Variants in NEK7 observed in about 807,000 individuals in gnomAD.
NEK7 encodes the protein serine/threonine-protein kinase Nek7.
In NEK7, 18 loss-of-function variants were observed where a neutral mutation model predicts 44.6. The ratio of observed to expected loss-of-function variants is 0.40; its 90% confidence interval spans 0.28 to 0.60. The LOEUF (loss-of-function observed/expected upper bound fraction) is 0.60. Ranked by LOEUF, NEK7 falls within the 20% of genes least tolerant of loss-of-function variation. The probability of loss-of-function intolerance (pLI) is 0.38; values close to 1 mark genes in which losing one functional copy is unlikely to be tolerated. For missense variants in NEK7, 256 were observed against 366.5 expected (o/e 0.70, Z 2.46); for synonymous variants, 130 against 121.1 (o/e 1.07, Z -0.48).
intron 1 of NEK7, among the ~76,000 whole-genome samples, chr1:198,231,322 T>C (rs1295305799): frequency 7.0e-6 from 1 of 143,164 alleles, no homozygotes; most frequent in Non-Finnish European, 1.5e-5. Flanking sequence ...TATATATATA[T>C]ATATATATAT....
At chr1:198,286,837 C>T (rs1020138925) in intron 7 of NEK7, among the ~76,000 whole-genome samples, 1 of 152,158 alleles carries the variant, frequency 6.6e-6, no homozygotes, top group Non-Finnish European at 1.5e-5. Context: ...CTTCTAGAGG[C>T]TGCCCTCATT....
chr1:198,257,677 A>T (rs1031252486), intron 3 of NEK7, among the ~76,000 whole-genome samples: 13 of 152,216 alleles, frequency 8.5e-5, no homozygotes, highest in Non-Finnish European at 1.5e-4. Context: ...CATTTAAAAG[A>T]TACAGAACAA....
intron 2 of NEK7, among the ~76,000 whole-genome samples, chr1:198,239,966 T>C (rs984153087): frequency 6.6e-6 from 1 of 152,236 alleles, no homozygotes; most frequent in Non-Finnish European, 1.5e-5. Flanking sequence ...TGTAACACAA[T>C]GATAAGTATT....
At chr1:198,291,079 T>A (rs953516984) in intron 7 of NEK7, among the ~76,000 whole-genome samples, 5 of 152,168 alleles carry the variant, frequency 3.3e-5, no homozygotes, top group African/African-American at 1.2e-4. Context: ...TTGTTCTTCT[T>A]TTTCCTTATC....
chr1:198,162,298 A>ACAATCAGAAT (rs746859369), intron 1 of NEK7, among the ~76,000 whole-genome samples: 4 of 152,118 alleles, frequency 2.6e-5, no homozygotes, highest in Non-Finnish European at 4.4e-5. Context: ...AGGACCTGGG[A>ACAATCAGAAT]CAATCAGAAT....
chr1:198,179,489 G>A (rs1216386866), intron 1 of NEK7, among the ~76,000 whole-genome samples: 3 of 152,042 alleles, frequency 2.0e-5, no homozygotes. Flanking sequence ...TTCTTGAACA[G>A]TAAGGTGGTA....
chr1:198,248,472 C>A (rs917537508), intron 2 of NEK7, among the ~76,000 whole-genome samples: 7 of 152,180 alleles, frequency 4.6e-5, no homozygotes, highest in Admixed American at 2.0e-4. Flanking sequence ...TCTCTCATAG[C>A]ACAGTGAAGA....
At chr1:198,204,958 A>G (rs758351710) in intron 1 of NEK7, among the ~76,000 whole-genome samples, 3 of 152,128 alleles carry the variant, frequency 2.0e-5, no homozygotes, top group African/African-American at 7.2e-5. Context: ...TTAAAATGTA[A>G]CATATAATAA....
Position 198,157,021 on chromosome 1 carries a change from A to C in NEK7, c.-284A>C, listed in dbSNP as rs1183268377. On this transcript the variant is annotated 5_prime_UTR_variant, in exon 1 of 10. Transcript: ENST00000367385. ...TTACACTCCTGACAGCGGCGGCAGC[A>C]GGAGGAGGATCGGGAGTCGCGGGAG... 1 of 152,058 alleles carries C rather than the reference A, an allele frequency of 6.6e-6. No individual in the cohort carries two copies. Among genetic ancestry groups the C allele is most frequent in the Admixed American group, 6.5e-5 (1 of 15,274 alleles). The allele number at this position is 152,058 out of a possible 1,614,324, so 9.4% of individuals were successfully genotyped here. A position where few individuals can be genotyped will look rare whatever the true frequency, so the allele number is the denominator to read the frequency against.
chr1:198,203,652 A>G (rs1343693936), intron 1 of NEK7, among the ~76,000 whole-genome samples: 2 of 152,248 alleles, frequency 1.3e-5, no homozygotes, highest in Non-Finnish European at 2.9e-5. Context: ...GAGAAGTAAC[A>G]TCATGTGTTT....
At chr1:198,246,039 G>A (rs187011001) in intron 2 of NEK7, among the ~76,000 whole-genome samples, 17 of 152,110 alleles carry the variant, frequency 1.1e-4, no homozygotes, top group African/African-American at 1.9e-4. Flanking sequence ...GTGGGAACCC[G>A]TTTGATGATA....
intron 1 of NEK7, among the ~76,000 whole-genome samples, chr1:198,207,798 T>A (rs1158927137): frequency 6.6e-6 from 1 of 152,184 alleles, no homozygotes; most frequent in Non-Finnish European, 1.5e-5. Context: ...AATTGTACAT[T>A]AAAATGGCAA....
In NEK7 at chr1:198,293,020, T is replaced by C; in HGVS notation, c.665T>C (p.Leu222Pro). The C allele has an allele frequency of 6.4e-7, 1 of 1,571,886 alleles. No homozygotes were observed. Among genetic ancestry groups the C allele is most frequent in the South Asian group, 1.1e-5 (1 of 90,150 alleles). The change falls in exon 8 of 10, where the codon CTT becomes CCT. Residue 222 changes from leucine (L) to proline (P), a missense_variant. Physicochemically the swap from Leu to Pro is moderately conservative, Grantham distance 98. Transcript: ENST00000367385. ...AACTTCAAATCTGACATCTGGTCTCTTGGCTGTCTACTATATGAGGTAGGT... is the reference window on the plus strand; with the variant it reads ...AACTTCAAATCTGACATCTGGTCTCCTGGCTGTCTACTATATGAGGTAGGT... ...GYNFKSDIWS[L>P]GCLLYEMAAL...
chr1:198,283,868 C>G (rs1252661239), intron 7 of NEK7, among the ~76,000 whole-genome samples: 14 of 152,086 alleles, frequency 9.2e-5, no homozygotes, highest in Admixed American at 9.2e-4. Flanking sequence ...TTTCACAACT[C>G]GTTAATGGGT....
At chr1:198,190,001 C>T (rs1304898344) in intron 1 of NEK7, among the ~76,000 whole-genome samples, 1 of 152,066 alleles carries the variant, frequency 6.6e-6, no homozygotes, top group African/African-American at 2.4e-5. Context: ...GTTAAGAATG[C>T]AACATCTTGA....
intron 1 of NEK7, among the ~76,000 whole-genome samples, chr1:198,212,015 GGGA>G (rs1665788474): frequency 6.6e-6 from 1 of 152,198 alleles, no homozygotes; most frequent in African/African-American, 2.4e-5. Flanking sequence ...ACTGAGCAAT[GGGA>G]AGTCTATGAG....
rs188018599 is a variant in NEK7, at chr1:198,301,406, C to T, written c.798+4166C>T. 1.8e-3 allele frequency among the ~76,000 whole-genome samples: 278 copies of T among 152,180 alleles called. 5 individuals are homozygous for T. The East Asian group carries it at 0.04, about 22-fold the overall frequency. ...TCTACTAAAAATGCAACAAATTAGCCGGGCGTGGTGGCGGGCGCCTGTAGT... is the reference window on the plus strand; with the variant it reads ...TCTACTAAAAATGCAACAAATTAGCTGGGCGTGGTGGCGGGCGCCTGTAGT... On this transcript the variant is annotated intron_variant, in intron 9 of 9. Coordinates refer to ENST00000367385, the MANE Select transcript of NEK7 (RefSeq NM_133494.3).
intron 1 of NEK7, among the ~76,000 whole-genome samples, chr1:198,174,834 T>C (rs1664561016): frequency 6.6e-6 from 1 of 152,082 alleles, no homozygotes; most frequent in East Asian, 1.9e-4. Context: ...CATGGCTCAC[T>C]GCAGCCTCAA....
In NEK7 at chr1:198,247,533, CATT is replaced by C. The variant is rs530986856; in HGVS notation, c.58-5506_58-5504del. ...TGGGGACGAAAATGGGACCTTCTAT[CATT>C]GTTGTAGTAATTATAAGAATTATCT... On this transcript the variant is annotated intron_variant, in intron 2 of 9. Coordinates refer to ENST00000367385, the MANE Select transcript of NEK7 (RefSeq NM_133494.3). 8.5e-5 allele frequency among the ~76,000 whole-genome samples: 13 copies of C among 152,246 alleles called. No homozygotes were observed. In the South Asian group the frequency reaches 2.1e-3, roughly 24 times the overall value.
Sources: gnomAD v4.1 joint callset for allele counts (sites outside exome capture counted in the v4.1 genomes callset) on GRCh38, gnomAD v4.1.1 for gene constraint, MANE v1.5 for transcripts, NCBI Gene and HGNC (gene_info 2026-07-23, HGNC 2026-07-21) for gene names.